PIK3R4: variants seen among roughly 807,000 people sequenced by gnomAD.
The protein encoded by PIK3R4 is phosphoinositide-3-kinase regulatory subunit 4, also known as phosphoinositide 3-kinase regulatory subunit 4.
PIK3R4 carries 46 observed loss-of-function variants against 136.5 expected under a neutral mutation model. That is an observed-to-expected ratio of 0.34 (90% CI 0.27 to 0.43). The LOEUF (loss-of-function observed/expected upper bound fraction) is 0.43, where lower values mean the gene tolerates loss of function less well. PIK3R4 is among the 20% of genes least tolerant of loss of function. PIK3R4 has a pLI of 1.00. For missense variants in PIK3R4, 1,331 were observed against 1,649.5 expected (o/e 0.81, Z 3.35); for synonymous variants, 557 against 566.7 (o/e 0.98, Z 0.24).
At chr3:130,691,867 GTTTTTTTTT>G (rs757678674) in intron 13 of PIK3R4, among the ~76,000 whole-genome samples, 1 of 100,818 alleles carries the variant, frequency 9.9e-6, no homozygotes, top group Non-Finnish European at 2.0e-5. Flanking sequence ...TCTCTCTCTA[GTTTTTTTTT>G]TTTTTTTTTT....
chr3:130,683,851 T>G (rs2066473460), intron 16 of PIK3R4, among the ~76,000 whole-genome samples: 1 of 152,000 alleles, frequency 6.6e-6, no homozygotes, highest in African/African-American at 2.4e-5. Flanking sequence ...AAAAGAAAAT[T>G]TGGGTGCCCA....
intron 16 of PIK3R4, among the ~76,000 whole-genome samples, chr3:130,682,237 C>T (rs1385277767): frequency 6.6e-6 from 1 of 152,058 alleles, no homozygotes; most frequent in Non-Finnish European, 1.5e-5. Context: ...TCACAAATCT[C>T]CTTAGGCGAG....
At position 130,706,959 on chromosome 3, in the gene PIK3R4, T is replaced by C. The variant is rs142070299; in HGVS notation, c.2710A>G (p.Thr904Ala). The C allele has an allele frequency of 1.7e-5, 27 of 1,608,322 alleles. No homozygotes were observed. The highest frequency in any genetic ancestry group is 3.3e-4 in the Middle Eastern group (2 of 6,046). ...SSAGICVPLS[T>A]SSQVPEVTTV... The stretch of plus-strand genomic sequence containing the variant: ...GGGTGACACAGTACCTGTGAAGAAG[T>C]TGACAAAGGGACACAAATGCCAGCA... Residue 904 changes from threonine to alanine, a missense_variant, in exon 11 of 20, where the codon ACT (threonine) becomes GCT (alanine). Transcript: ENST00000356763.
chr3:130,718,642 T>C, intron 7 of PIK3R4, 108 bp from the exon 8 acceptor site: 1 of 1,009,162 alleles, frequency 9.9e-7, no homozygotes, highest in Non-Finnish European at 1.5e-6. Flanking sequence ...GCCACAGTGT[T>C]ACTATCAGGA....
At chr3:130,720,534 G>A (rs2066693981) in intron 7 of PIK3R4, among the ~76,000 whole-genome samples, 1 of 152,148 alleles carries the variant, frequency 6.6e-6, no homozygotes, top group African/African-American at 2.4e-5. Flanking sequence ...AGCTAAGTGG[G>A]AAAAGTATAG....
At chr3:130,716,369 TG>T (rs771384970) in intron 9 of PIK3R4, 26 bp downstream of exon 9, 1 of 1,568,472 alleles carries the variant, frequency 6.4e-7, no homozygotes, top group South Asian at 1.1e-5. Context: ...CGCATTTAAA[TG>T]TAAGACTTTG....
chr3:130,691,234 A>G (rs1576451493), intron 13 of PIK3R4, among the ~76,000 whole-genome samples: 1 of 152,114 alleles, frequency 6.6e-6, no homozygotes, highest in East Asian at 1.9e-4. Context: ...ACAGCTTGGC[A>G]CAGAAGGAAA....
At chr3:130,711,729 A>G (rs2066633640) in intron 9 of PIK3R4, among the ~76,000 whole-genome samples, 1 of 152,202 alleles carries the variant, frequency 6.6e-6, no homozygotes, top group Admixed American at 6.5e-5. Context: ...AAAAGGATGA[A>G]ACTGATTCCA....
At chr3:130,711,168 C>G (rs925578151) in intron 9 of PIK3R4, among the ~76,000 whole-genome samples, 1 of 152,040 alleles carries the variant, frequency 6.6e-6, no homozygotes, top group Non-Finnish European at 1.5e-5. Flanking sequence ...AGGGACCAGA[C>G]TAGTTTTACC....
chr3:130,746,716 G>A lies in PIK3R4; in HGVS notation c.-445C>T, dbSNP rs1414148488. On this transcript the variant is annotated 5_prime_UTR_variant, in exon 1 of 20. Coordinates refer to ENST00000356763, the MANE Select transcript of PIK3R4 (RefSeq NM_014602.3). ...TCGAGGGCCTCACCACCGGGCGGGG[G>A]GAGATGGAACCCGGGAGAGAAGTGC... The A allele has an allele frequency of 2.0e-5, 3 of 152,370 alleles. No homozygotes were observed. Among genetic ancestry groups the A allele is most frequent in the African/African-American group, 7.2e-5 (3 of 41,454 alleles). The allele number at this position is 152,370 out of a possible 1,614,324, so 9.4% of individuals were successfully genotyped here.
chr3:130,738,008 T>C (rs1360355290), intron 2 of PIK3R4, among the ~76,000 whole-genome samples: 1 of 152,192 alleles, frequency 6.6e-6, no homozygotes, highest in Non-Finnish European at 1.5e-5. Flanking sequence ...TAGAACGCAA[T>C]TTACATGAGG....
chr3:130,718,266 T>C (rs1421319581), intron 8 of PIK3R4, 123 bp downstream of exon 8: 1 of 799,408 alleles, frequency 1.3e-6, no homozygotes, highest in African/African-American at 1.7e-5. Context: ...GAAAGGAATA[T>C]AAACATGCTA....
At chr3:130,720,504 T>G (rs2066693764) in intron 7 of PIK3R4, among the ~76,000 whole-genome samples, 1 of 152,134 alleles carries the variant, frequency 6.6e-6, no homozygotes, top group East Asian at 1.9e-4. Context: ...AAGACAAATG[T>G]GGGGGAAAAT....
chr3:130,712,186 T>C (rs2066636357), intron 9 of PIK3R4, among the ~76,000 whole-genome samples: 1 of 152,172 alleles, frequency 6.6e-6, no homozygotes, highest in Non-Finnish European at 1.5e-5. Flanking sequence ...ACTAACATAT[T>C]TTCCCATAGA....
intron 19 of PIK3R4, 117 bp from the exon 20 acceptor site, chr3:130,679,602 T>C (rs1338060790): frequency 4.6e-6 from 3 of 657,498 alleles, no homozygotes; most frequent in Non-Finnish European, 7.9e-6. Flanking sequence ...ACACCTTTTG[T>C]AGTCATGCTT....
chr3:130,732,162 T>C (rs1388730310), intron 4 of PIK3R4, among the ~76,000 whole-genome samples: 2 of 152,236 alleles, frequency 1.3e-5, no homozygotes, highest in African/African-American at 4.8e-5. Context: ...TAGTCTCTCC[T>C]AACCCCAGTT....
intron 19 of PIK3R4, among the ~76,000 whole-genome samples, chr3:130,680,180 C>A (rs1266915990): frequency 6.6e-6 from 1 of 151,696 alleles, no homozygotes; most frequent in Non-Finnish European, 1.5e-5. Flanking sequence ...CTTTCATTTA[C>A]AGAGCACCTA....
Position 130,735,886 on chromosome 3 carries a change from G to C in PIK3R4, c.850C>G (p.His284Asp), listed in dbSNP as rs576741357. The C allele has an allele frequency of 2.5e-6, 4 of 1,611,232 alleles. No homozygotes were observed. In the South Asian group the frequency reaches 4.4e-5, roughly 18 times the overall value. The part of the protein sequence containing the change: ...PEQVLNKIED[H>D]SIRELVTQMI... ...ATAGTTACCAATTCTCTGATACTGT[G>C]ATCTTCAATTTTATTTAGCACTTGT... Residue 284 changes from histidine to aspartate, a missense_variant, in exon 3 of 20, where the codon CAC becomes GAC. Coordinates refer to ENST00000356763, the MANE Select transcript of PIK3R4 (RefSeq NM_014602.3).
rs116271877 is a variant in PIK3R4 at position 130,706,886 on chromosome 3, A to G, written c.2721+62T>C. 1,622 of 1,403,158 alleles carry G rather than the reference A, an allele frequency of 1.2e-3. 16 individuals carry two copies. The African/African-American group carries it at 0.021, about 18-fold the overall frequency. The allele number at this position is 1,403,158 out of a possible 1,614,324, so 86.9% of individuals were successfully genotyped here. A position where few individuals can be genotyped will look rare whatever the true frequency, so the allele number is the denominator to read the frequency against. On this transcript the variant is annotated intron_variant, in intron 11 of 19. Coordinates refer to ENST00000356763, the MANE Select transcript of PIK3R4 (RefSeq NM_014602.3). ...CACTACAGTACACAGCCTTTAAACA[A>G]CCAAAATAGCAGAAGAGCGTTCAAA... is the stretch of plus-strand genomic sequence containing the variant.
Sources: allele counts gnomAD v4.1 joint callset (sites outside exome capture counted in the v4.1 genomes callset), GRCh38; gene constraint gnomAD v4.1.1; transcripts MANE v1.5; gene names NCBI Gene and HGNC (gene_info 2026-07-23, HGNC 2026-07-21).